The following COL6A3 variants were observed in gnomAD, a reference collection of about 807,000 sequenced individuals.
COL6A3 encodes collagen type VI alpha 3 chain, also known as collagen alpha-3(VI) chain.
In COL6A3, 137 loss-of-function variants were observed where a neutral mutation model predicts 274.1. The observed-to-expected ratio is 0.50, with a 90% CI of 0.44 to 0.58. The LOEUF (loss-of-function observed/expected upper bound fraction) is 0.58. Among genes scored for constraint, COL6A3 ranks in the 20% least tolerant of loss-of-function variants. COL6A3 has a pLI of 0.00. For missense variants in COL6A3, 3,950 were observed against 4,124.9 expected (o/e 0.96, Z 1.16); for synonymous variants, 1,650 against 1,650.6 (o/e 1.00, Z 0.01).
chr2:237,378,783 C>T lies in COL6A3; in HGVS notation c.2350G>A (p.Ala784Thr), dbSNP rs765006452. The change falls in exon 6 of 44, where the codon GCA (alanine) becomes ACA (threonine). Residue 784 changes from alanine (A) to threonine (T), a missense_variant. Ala to Thr is a moderately conservative substitution (Grantham distance 58). Transcript: ENST00000295550. ...TTAAAAGCAATCTGCTCAAGCTCTGCCTTATTCGCCTGGCTAGCTCCCACA... is the reference window on the plus strand; with the variant it reads ...TTAAAAGCAATCTGCTCAAGCTCTGTCTTATTCGCCTGGCTAGCTCCCACA... ...FCVGASQANKAELEQIAFNPS... is the reference protein window; with the variant it reads ...FCVGASQANKTELEQIAFNPS... 1.1e-5 allele frequency: 17 copies of T among 1,614,236 alleles called. No individual in the cohort carries two copies. Among genetic ancestry groups the T allele is most frequent in the Non-Finnish European group, 1.4e-5 (16 of 1,180,054 alleles).
intron 1 of COL6A3, among the ~76,000 whole-genome samples, chr2:237,401,425 C>T (rs1034433211): frequency 4.6e-5 from 7 of 150,940 alleles, no homozygotes; most frequent in African/African-American, 1.7e-4. Context: ...TTTTTTTCTT[C>T]CTTGGTTAAG....
chr2:237,411,301 G>C lies in COL6A3; in HGVS notation c.-31+2652C>G, dbSNP rs143359343. 5.8e-3 allele frequency among the ~76,000 whole-genome samples: 888 copies of C among 152,288 alleles called. 8 individuals are homozygous for C. The highest frequency in any genetic ancestry group is 0.021 in the African/African-American group (856 of 41,560). Reference sequence around the variant, plus strand: ...TACTGCGCCTGCAAGGAAGTGTCACGCAATAGTATTCACGACTTGCCGGTG... The same window carrying C: ...TACTGCGCCTGCAAGGAAGTGTCACCCAATAGTATTCACGACTTGCCGGTG... On this transcript the variant is annotated intron_variant, in intron 1 of 43. Transcript: ENST00000295550.
In COL6A3 at chr2:237,342,392, T is replaced by G. The variant is rs10202434; in HGVS notation, c.7669-231A>C. ...GGAGTTCATATCCCGTTCAAATGGGTTTCAGTTTTTTTCAGCTGTAAAATG... is the reference window on the plus strand; with the variant it reads ...GGAGTTCATATCCCGTTCAAATGGGGTTCAGTTTTTTTCAGCTGTAAAATG... On this transcript the variant is annotated intron_variant, in intron 36 of 43. Transcript: ENST00000295550. The G allele has an allele frequency of 0.13, 69,804 of 551,966 alleles. 5,570 individuals are homozygous for G. Among genetic ancestry groups the G allele is most frequent in the African/African-American group, 0.28 (14,961 of 52,892 alleles). 34.2% of individuals were successfully genotyped at this position (551,966 alleles called of 1,614,324 possible).
chr2:237,403,701 C>T (rs1014275418), intron 1 of COL6A3, among the ~76,000 whole-genome samples: 19 of 152,092 alleles, frequency 1.2e-4, no homozygotes, highest in African/African-American at 3.9e-4. Flanking sequence ...GTCTCCAGTG[C>T]TTGTGCTGTG....
intron 41 of COL6A3, among the ~76,000 whole-genome samples, chr2:237,334,404 G>A (rs954519742): frequency 2.0e-5 from 3 of 152,188 alleles, no homozygotes; most frequent in Non-Finnish European, 4.4e-5. Flanking sequence ...GACCCAGAGG[G>A]CAGGACTGCA....
At chr2:237,380,616 A>C (rs1177505017) in intron 5 of COL6A3, among the ~76,000 whole-genome samples, 2 of 152,226 alleles carry the variant, frequency 1.3e-5, no homozygotes, top group East Asian at 3.8e-4. Context: ...CAGGGATCTG[A>C]CAAGCGATAA....
Position 237,344,133 on chromosome 2 carries a change from T to TG in COL6A3, c.7668+216dup. ...AGCTGTCAACATGTGAGGAGGGACC[T>TG]GGGGGCAGTGCTACAAGCATGTAGG... On this transcript the variant is annotated intron_variant, in intron 36 of 43. Coordinates refer to ENST00000295550, the MANE Select transcript of COL6A3 (RefSeq NM_004369.4). This position sits in a 1 kb window ranked among gnomAD's most constrained non-coding sequence, Gnocchi z 4.8. 1 of 684,224 alleles carries TG rather than the reference T, an allele frequency of 1.5e-6. No homozygotes were observed. The highest frequency in any genetic ancestry group is 2.1e-5 in the Admixed American group (1 of 46,902). 42.4% of individuals were successfully genotyped at this position (684,224 alleles called of 1,614,324 possible).
chr2:237,359,987 C>G, intron 17 of COL6A3, 101 bp downstream of exon 17: 1 of 1,258,848 alleles, frequency 7.9e-7, no homozygotes, highest in South Asian at 1.3e-5. Context: ...ATGCTGAGGT[C>G]AAGAAGCCTG....
chr2:237,399,620 T>C (rs1559285652), intron 1 of COL6A3, among the ~76,000 whole-genome samples: 3 of 152,206 alleles, frequency 2.0e-5, no homozygotes, highest in African/African-American at 7.2e-5. Context: ...TATACCTTAA[T>C]ATATAGCAGT....
At chr2:237,404,499 T>C (rs2078673806) in intron 1 of COL6A3, among the ~76,000 whole-genome samples, 1 of 152,166 alleles carries the variant, frequency 6.6e-6, no homozygotes, top group Non-Finnish European at 1.5e-5. Context: ...AAGAGTATTA[T>C]AGAGGCTCTT....
At position 237,333,236 on chromosome 2, in the gene COL6A3, A is replaced by C. The variant is rs1160124404; in HGVS notation, c.9328+214T>G. 1.9e-4 allele frequency: 113 copies of C among 606,682 alleles called. No homozygotes were observed. In the East Asian group the frequency reaches 3.1e-3, roughly 17 times the overall value. 37.6% of individuals were successfully genotyped at this position (606,682 alleles called of 1,614,324 possible). A position where few individuals can be genotyped will look rare whatever the true frequency, so the allele number is the denominator to read the frequency against. ...TAGCCCCAAAAGCACCTCCCATCAA[A>C]TTTTCACTGAGTCTGATCACAGGTA... On this transcript the variant is annotated intron_variant, in intron 42 of 43. Transcript: ENST00000295550.
At chr2:237,324,860 G>A (rs1366527382) in intron 43 of COL6A3, 46 bp from the exon 44 acceptor site, 4 of 1,602,694 alleles carry the variant, frequency 2.5e-6, no homozygotes, top group Non-Finnish European at 3.4e-6. Flanking sequence ...GAGGAGCCGA[G>A]AGAAGAGAGG....
rs765952238 is a variant in COL6A3 at position 237,363,306 on chromosome 2, T to C, written c.6010A>G (p.Arg2004Gly). ...LEFGRGFMYD[R>G]PLRLNLLDLD... is the part of the protein sequence containing the mutation. Reference sequence around the variant, plus strand: ...TCCAGCAAGTTAAGCCTCAGGGGCCTGTCATACATAAACCCTCGCCCAAAC... The same window carrying C: ...TCCAGCAAGTTAAGCCTCAGGGGCCCGTCATACATAAACCCTCGCCCAAAC... The change falls in exon 14 of 44, where the codon AGG (arginine) becomes GGG (glycine). Residue 2004 changes from arginine to glycine, a missense_variant. Arg to Gly is a moderately radical substitution (Grantham distance 125, BLOSUM62 -2). Transcript: ENST00000295550. The C allele has an allele frequency of 9.9e-6, 16 of 1,614,086 alleles. No individual in the cohort carries two copies. The South Asian group carries it at 1.8e-4, about 18-fold the overall frequency.
chr2:237,359,736 AC>A (rs1297601475), intron 17 of COL6A3, among the ~76,000 whole-genome samples: 10 of 151,816 alleles, frequency 6.6e-5, no homozygotes, highest in Non-Finnish European at 1.0e-4. Context: ...CCTTCAACCC[AC>A]CTGCTGTCCT....
chr2:237,387,641 T>C lies in COL6A3; in HGVS notation c.1253A>G (p.Tyr418Cys). 1.2e-6 allele frequency: 2 copies of C among 1,613,898 alleles called. No homozygotes were observed. Among genetic ancestry groups the C allele is most frequent in the Non-Finnish European group, 1.7e-6 (2 of 1,179,914 alleles). Residue 418 changes from tyrosine (Y) to cysteine (C), a missense_variant, in exon 4 of 44, where the codon TAC becomes TGC. Physicochemically the swap from Tyr to Cys is radical, Grantham distance 194 (BLOSUM62 -2). Coordinates refer to ENST00000295550, the MANE Select transcript of COL6A3 (RefSeq NM_004369.4). ...FGDLQEKLLPYIVGVAQRHIV... is the reference protein window; with the variant it reads ...FGDLQEKLLPCIVGVAQRHIV... ...GTGCCTTTGGGCCACGCCAACAATG[T>C]ACGGCAGTAATTTCTCCTGGAGGTC... is the stretch of plus-strand genomic sequence containing the variant.
chr2:237,384,956 C>T (rs2078108575), intron 4 of COL6A3, among the ~76,000 whole-genome samples: 1 of 152,152 alleles, frequency 6.6e-6, no homozygotes, highest in African/African-American at 2.4e-5. Context: ...TGGGAAGGGA[C>T]TAAGTGCCTT....
At position 237,383,426 on chromosome 2, in the gene COL6A3, C is replaced by T. The variant is rs1009543701; in HGVS notation, c.1313-1927G>A. 2.6e-5 allele frequency among the ~76,000 whole-genome samples: 4 copies of T among 152,142 alleles called. No individual in the cohort carries two copies. In the South Asian group the frequency reaches 6.2e-4, roughly 24 times the overall value. ...CTTCATTTAATTTAGAACATGCTGT[C>T]TCTCTGGGCTACCCCTTCATTTTGA... On this transcript the variant is annotated intron_variant, in intron 4 of 43. Coordinates refer to ENST00000295550, the MANE Select transcript of COL6A3 (RefSeq NM_004369.4).
Position 237,353,396 on chromosome 2 carries a change from T to A in COL6A3, c.6635A>T (p.Lys2212Met), listed in dbSNP as rs1342352524. 6.2e-7 allele frequency: 1 copy of A among 1,614,070 alleles called. No homozygotes were observed. Among genetic ancestry groups the A allele is most frequent in the Non-Finnish European group, 8.5e-7 (1 of 1,179,970 alleles). ...RRGPPGAKGN[K>M]GGPGQPGFEG... Reference sequence around the variant, plus strand: ...AAAGCCCGGCTGGCCAGGACCGCCCTTGTTGCCCTTTGAAATAAGAGAAGA... The same window carrying A: ...AAAGCCCGGCTGGCCAGGACCGCCCATGTTGCCCTTTGAAATAAGAGAAGA... The change falls in exon 25 of 44, where the codon AAG (lysine) becomes ATG (methionine). Residue 2212 changes from lysine to methionine, a missense_variant. This residue lies in a region of COL6A3 where 1,284 missense variants were observed against 1,349.7 expected (regional missense o/e 0.95). Coordinates refer to ENST00000295550, the MANE Select transcript of COL6A3 (RefSeq NM_004369.4).
At chr2:237,360,006 C>A in intron 17 of COL6A3, 82 bp downstream of exon 17, 4 of 1,418,304 alleles carry the variant, frequency 2.8e-6, no homozygotes, top group Non-Finnish European at 4.0e-6. Context: ...TGGACCAGCG[C>A]CTCCCTCCCT....
Sources: allele counts gnomAD v4.1 joint callset (sites outside exome capture counted in the v4.1 genomes callset), GRCh38; gene constraint gnomAD v4.1.1; regional missense constraint gnomAD v4.1.1; non-coding constraint Gnocchi (gnomAD v3.1); transcripts MANE v1.5; gene names NCBI Gene and HGNC (gene_info 2026-07-23, HGNC 2026-07-21).